The following KSR2 variants were observed in gnomAD, a reference collection of about 807,000 sequenced individuals.
KSR2 encodes kinase suppressor of ras 2.
In KSR2, 25 loss-of-function variants were observed where a neutral mutation model predicts 107.8. That is an observed-to-expected ratio of 0.23 (90% CI 0.17 to 0.32). The LOEUF is 0.32. Ranked by LOEUF, KSR2 falls within the 10% of genes least tolerant of loss-of-function variation. The pLI is 1.00. For synonymous variants in KSR2, 480 were observed against 507.0 expected, an observed-to-expected ratio of 0.95 and a Z score of 0.71; for missense variants, 887 against 1,268.9, an observed-to-expected ratio of 0.70 and a Z score of 4.57.
At chr12:117,937,006 T>C (rs1234589069) in intron 1 of KSR2, among the ~76,000 whole-genome samples, 2 of 152,194 alleles carry the variant, frequency 1.3e-5, no homozygotes, top group Non-Finnish European at 2.9e-5. Context: ...CAAGGTGGTA[T>C]CTGGGCTCAG....
chr12:117,674,359 A>G (rs199622999), intron 4 of KSR2: 2 of 475,996 alleles, frequency 4.2e-6, no homozygotes, highest in African/African-American at 2.0e-5. Flanking sequence ...TTGTTATACT[A>G]AAGTGAAATT....
intron 5 of KSR2, among the ~76,000 whole-genome samples, chr12:117,594,047 T>C (rs1049381879): frequency 6.6e-6 from 1 of 152,232 alleles, no homozygotes; most frequent in Non-Finnish European, 1.5e-5. Flanking sequence ...TACATATTTA[T>C]CGCCTTGAAC....
chr12:117,822,037 G>A (rs1031623634), intron 3 of KSR2, among the ~76,000 whole-genome samples: 2 of 152,120 alleles, frequency 1.3e-5, no homozygotes, highest in African/African-American at 4.8e-5. Flanking sequence ...CCAAAACCAA[G>A]ATAGCAATGA....
chr12:117,592,802 A>G (rs565823537), intron 5 of KSR2, among the ~76,000 whole-genome samples: 291 of 152,228 alleles, frequency 1.9e-3, no homozygotes, highest in African/African-American at 6.6e-3. Context: ...TAAGATGGTA[A>G]CACTAGGTCG....
At chr12:117,671,736 C>T (rs999549723) in intron 4 of KSR2, among the ~76,000 whole-genome samples, 2 of 152,192 alleles carry the variant, frequency 1.3e-5, no homozygotes, top group East Asian at 1.9e-4. Context: ...CCAAGGAGTG[C>T]GCTTAAGAGC....
chr12:117,944,041 T>C (rs908296362), intron 1 of KSR2, among the ~76,000 whole-genome samples: 1 of 152,220 alleles, frequency 6.6e-6, no homozygotes, highest in Admixed American at 6.5e-5. Flanking sequence ...TCCCCAGCTA[T>C]GTTGGAACTG....
intron 4 of KSR2, among the ~76,000 whole-genome samples, chr12:117,748,438 T>G (rs1888491288): frequency 6.6e-6 from 1 of 152,138 alleles, no homozygotes; most frequent in Non-Finnish European, 1.5e-5. Context: ...GAGAGTAAAT[T>G]TGAAATACTC....
chr12:117,953,844 C>T (rs1397123585), intron 1 of KSR2, among the ~76,000 whole-genome samples: 1 of 152,100 alleles, frequency 6.6e-6, no homozygotes, highest in African/African-American at 2.4e-5. Flanking sequence ...TTCCCAACAC[C>T]GCTTTGAGGA....
intron 1 of KSR2, among the ~76,000 whole-genome samples, chr12:117,888,696 C>T (rs1894250368): frequency 6.6e-6 from 1 of 152,210 alleles, no homozygotes; most frequent in South Asian, 2.1e-4. Flanking sequence ...ACCATGCTGA[C>T]AACCTGGTCT....
intron 14 of KSR2, among the ~76,000 whole-genome samples, chr12:117,515,494 G>A (rs12319748): frequency 0.059 from 8,971 of 152,246 alleles, 901 homozygotes; most frequent in African/African-American, 0.2. Context: ...GGATACAGAG[G>A]TGAGTCAAAT....
At chr12:117,746,051 T>C (rs1888394366) in intron 4 of KSR2, among the ~76,000 whole-genome samples, 2 of 152,190 alleles carry the variant, frequency 1.3e-5, no homozygotes, top group African/African-American at 4.8e-5. Context: ...AAGCTACCAT[T>C]GACTTTCTTC....
At chr12:117,938,600 A>T (rs1593386249) in intron 1 of KSR2, among the ~76,000 whole-genome samples, 1 of 151,466 alleles carries the variant, frequency 6.6e-6, no homozygotes, top group Non-Finnish European at 1.5e-5. Flanking sequence ...AAAAAAAAAA[A>T]TTAACCGGGC....
chr12:117,916,990 T>A (rs374456908), intron 1 of KSR2, among the ~76,000 whole-genome samples: 1 of 152,296 alleles, frequency 6.6e-6, no homozygotes, highest in East Asian at 1.9e-4. Flanking sequence ...GCCCTAATGA[T>A]GTTTAGGGCT....
chr12:117,864,844 C>T (rs530548945), intron 1 of KSR2, among the ~76,000 whole-genome samples: 2 of 152,266 alleles, frequency 1.3e-5, no homozygotes, highest in Non-Finnish European at 2.9e-5. Flanking sequence ...ACATCTGCAA[C>T]AACCCTATTT....
At chr12:117,947,192 AAAGAAAAGAAAGAAAAGAAAGAAAGAAAG>A (rs1566094479) in intron 1 of KSR2, among the ~76,000 whole-genome samples, 5 of 94,820 alleles carry the variant, frequency 5.3e-5, no homozygotes, top group African/African-American at 2.0e-4. Flanking sequence ...GAAAGAAAAG[AAAGAAAAGAAAGAAAAGAAAGAAAGAAAG>A]AAAGAAAGAA....
intron 3 of KSR2, among the ~76,000 whole-genome samples, chr12:117,853,922 G>A (rs7309319): frequency 0.02 from 3,035 of 152,196 alleles, 107 homozygotes; most frequent in African/African-American, 0.069. Context: ...GGATGTTACT[G>A]GTATCTCATG....
At chr12:117,873,461 C>CT (rs546188012) in intron 1 of KSR2, among the ~76,000 whole-genome samples, 38,311 of 119,042 alleles carry the variant, frequency 0.32, 7,085 homozygotes, top group East Asian at 0.45. Flanking sequence ...GTTCATGGTG[C>CT]TTTTTTTTTT....
chr12:117,945,032 T>C (rs1896134948), intron 1 of KSR2, among the ~76,000 whole-genome samples: 1 of 152,182 alleles, frequency 6.6e-6, no homozygotes, highest in Middle Eastern at 3.2e-3. Context: ...CCATCCTAAA[T>C]GTGTACACAC....
chr12:117,528,800 C>T (rs1875404577), intron 12 of KSR2, among the ~76,000 whole-genome samples: 1 of 152,192 alleles, frequency 6.6e-6, no homozygotes. Context: ...GGCGTGATTC[C>T]AGCAGCCAGG....
Sources: gnomAD v4.1 joint callset for allele counts (sites outside exome capture counted in the v4.1 genomes callset) on GRCh38, gnomAD v4.1.1 for gene constraint, MANE v1.5 for transcripts, NCBI Gene and HGNC (gene_info 2026-07-23, HGNC 2026-07-21) for gene names.